The following SH3BGRL2 variants were observed in gnomAD, a reference collection of about 807,000 sequenced individuals.
SH3BGRL2 encodes the protein SH3 domain binding glutamate rich protein like 2, also known as SH3 domain-binding glutamic acid-rich-like protein 2.
SH3BGRL2 carries 21 observed loss-of-function variants against 14.8 expected under a neutral mutation model. The ratio of observed to expected loss-of-function variants is 1.42; its 90% CI spans 1.01 to 2.05. The LOEUF (loss-of-function observed/expected upper bound fraction) is 2.05, where lower values mean the gene tolerates loss of function less well. SH3BGRL2 is among the 30% of genes most tolerant of loss of function. SH3BGRL2 has a pLI of 0.00. For missense variants in SH3BGRL2, 147 were observed against 130.8 expected, an observed-to-expected ratio of 1.12 and a Z score of -0.61; for synonymous variants, 50 against 47.8, an observed-to-expected ratio of 1.05 and a Z score of -0.19.
intron 2 of SH3BGRL2, among the ~76,000 whole-genome samples, chr6:79,678,465 T>C (rs1769927672): frequency 1.3e-5 from 2 of 152,202 alleles, no homozygotes; most frequent in Admixed American, 6.5e-5. Context: ...TGACAAGATT[T>C]CCTTCCCTAT....
At chr6:79,676,494 G>A (rs1194268052) in intron 2 of SH3BGRL2, among the ~76,000 whole-genome samples, 1 of 151,888 alleles carries the variant, frequency 6.6e-6, no homozygotes, top group Admixed American at 6.6e-5. Context: ...CAGACATTGA[G>A]TTTTGACCAT....
chr6:79,670,089 A>G (rs1769743165), intron 1 of SH3BGRL2, among the ~76,000 whole-genome samples: 1 of 152,234 alleles, frequency 6.6e-6, no homozygotes, highest in East Asian at 1.9e-4. Flanking sequence ...ATGTGAGTGA[A>G]TGGGTGTTGC....
the SH3BGRL2 span, among the ~76,000 whole-genome samples, chr6:79,569,419 T>C: frequency 3.3e-5 from 5 of 152,174 alleles, no homozygotes; most frequent in African/African-American, 9.7e-5. Context: ...AAAGACCTGG[T>C]AAGGGAAAGA....
chr6:79,567,949 A>G, the SH3BGRL2 span, among the ~76,000 whole-genome samples: 4 of 152,228 alleles, frequency 2.6e-5, no homozygotes, highest in Non-Finnish European at 5.9e-5. Flanking sequence ...CATTTCACAG[A>G]AGAGGAAAAA....
At chr6:79,671,780 G>A (rs1769778766) in intron 1 of SH3BGRL2, among the ~76,000 whole-genome samples, 1 of 152,144 alleles carries the variant, frequency 6.6e-6, no homozygotes, top group Non-Finnish European at 1.5e-5. Flanking sequence ...TGAACTGCCT[G>A]CCCCCGCCAC....
At chr6:79,579,452 C>G in the SH3BGRL2 span, among the ~76,000 whole-genome samples, 34 of 152,208 alleles carry the variant, frequency 2.2e-4, no homozygotes, top group African/African-American at 7.5e-4. Context: ...GTGGATTTCT[C>G]AGCAGAAACC....
the SH3BGRL2 span, among the ~76,000 whole-genome samples, chr6:79,547,054 C>T: frequency 2.5e-3 from 386 of 152,146 alleles, no homozygotes; most frequent in Non-Finnish European, 4.0e-3. Context: ...GAGAGTTTCC[C>T]GTTGTTCATG....
At chr6:79,688,771 A>G (rs1160471492) in intron 2 of SH3BGRL2, among the ~76,000 whole-genome samples, 1 of 152,148 alleles carries the variant, frequency 6.6e-6, no homozygotes, top group Non-Finnish European at 1.5e-5. Flanking sequence ...TTTGTATCTT[A>G]ATAGGAAGTA....
rs145127977 is a variant in SH3BGRL2 at position 79,691,303 on chromosome 6, T to C, written c.232-5182T>C. Among the ~76,000 whole-genome samples, 52 of 152,198 alleles carry C rather than the reference T, an allele frequency of 3.4e-4. No homozygotes were observed. The East Asian group carries it at 9.4e-3, about 28-fold the overall frequency. ...GAAAGGATTTAAGCAGAGGGTGAGA[T>C]CAAATCTGTTTTTTTGTTTGTTTGT... On this transcript the variant is annotated intron_variant, in intron 2 of 3. Transcript: ENST00000369838.
intron 1 of SH3BGRL2, among the ~76,000 whole-genome samples, chr6:79,671,670 A>G (rs940057535): frequency 4.6e-5 from 7 of 152,254 alleles, no homozygotes; most frequent in Non-Finnish European, 8.8e-5. Flanking sequence ...AGCCCAGCAC[A>G]TGAAGTGCTC....
chr6:79,649,985 T>TCTCACA (rs765159303), intron 1 of SH3BGRL2, among the ~76,000 whole-genome samples: 1,762 of 142,042 alleles, frequency 0.012, 23 homozygotes, highest in African/African-American at 0.036. Context: ...TCTCTCTCTC[T>TCTCACA]CACACACACA....
At chr6:79,673,556 T>G in intron 1 of SH3BGRL2, 58 bp from the exon 2 acceptor site, 2 of 1,534,056 alleles carry the variant, frequency 1.3e-6, no homozygotes, top group Non-Finnish European at 1.8e-6. Context: ...AGTTTGGAAG[T>G]ATATACATAC....
At chr6:79,587,937 A>G in the SH3BGRL2 span, among the ~76,000 whole-genome samples, 2 of 151,564 alleles carry the variant, frequency 1.3e-5, no homozygotes, top group Admixed American at 6.6e-5. Flanking sequence ...GCACTTTGGG[A>G]GGCTGAGGCG....
the SH3BGRL2 span, among the ~76,000 whole-genome samples, chr6:79,556,070 G>T: frequency 8.7e-6 from 1 of 115,344 alleles, no homozygotes; most frequent in South Asian, 3.3e-4. Context: ...GTGAATTTAA[G>T]AAGTATAAAA....
intron 1 of SH3BGRL2, among the ~76,000 whole-genome samples, chr6:79,672,837 G>A (rs1273905753): frequency 4.6e-5 from 7 of 152,166 alleles, no homozygotes; most frequent in Non-Finnish European, 7.3e-5. Context: ...AGTGACTGAA[G>A]AAGGAAAAGT....
chr6:79,687,816 T>C (rs1770132094), intron 2 of SH3BGRL2, among the ~76,000 whole-genome samples: 1 of 152,264 alleles, frequency 6.6e-6, no homozygotes, highest in South Asian at 2.1e-4. Flanking sequence ...GTTGTTGCTA[T>C]GCCATTTCCT....
chr6:79,628,609 T>C (rs1473687504), upstream of SH3BGRL2, among the ~76,000 whole-genome samples: 1 of 151,792 alleles, frequency 6.6e-6, no homozygotes, highest in East Asian at 1.9e-4. Context: ...ATATCCTAGA[T>C]TGCATTCTGC....
the SH3BGRL2 span, among the ~76,000 whole-genome samples, chr6:79,596,996 G>A: frequency 1.3e-5 from 2 of 152,142 alleles, no homozygotes; most frequent in East Asian, 1.9e-4. Flanking sequence ...TTGGGAGGCC[G>A]AGGCGGGTGG....
At chr6:79,634,758 C>G (rs1768891657) in intron 1 of SH3BGRL2, among the ~76,000 whole-genome samples, 1 of 152,112 alleles carries the variant, frequency 6.6e-6, no homozygotes, top group South Asian at 2.1e-4. Flanking sequence ...AGGACACATG[C>G]TTCTTGCAGG....
Sources: gnomAD v4.1 joint callset for allele counts (sites outside exome capture counted in the v4.1 genomes callset) on GRCh38, gnomAD v4.1.1 for gene constraint, MANE v1.5 for transcripts, NCBI Gene and HGNC (gene_info 2026-07-23, HGNC 2026-07-21) for gene names.